Variants in CCDC91 observed in about 807,000 individuals in gnomAD.
CCDC91 encodes the protein coiled-coil domain-containing protein 91.
CCDC91 carries 48 observed loss-of-function variants against 63.2 expected under a neutral mutation model. The observed-to-expected ratio is 0.76, with a 90% CI of 0.60 to 0.97. CCDC91 has a LOEUF of 0.97. Among genes scored for constraint, CCDC91 ranks in the 50% least tolerant of loss-of-function variants. CCDC91 has a pLI of 0.00. For missense variants in CCDC91, 500 were observed against 494.6 expected (o/e 1.01, Z -0.10); for synonymous variants, 167 against 165.8 (o/e 1.01, Z -0.06).
chr12:28,309,117 C>T (rs1189168145), intron 6 of CCDC91, among the ~76,000 whole-genome samples: 2 of 151,944 alleles, frequency 1.3e-5, no homozygotes, highest in Non-Finnish European at 1.5e-5. Flanking sequence ...CATATCTCTG[C>T]CTGGAATGCT....
chr12:28,499,394 A>G (rs143294795), intron 12 of CCDC91, among the ~76,000 whole-genome samples: 1 of 151,808 alleles, frequency 6.6e-6, no homozygotes, highest in Non-Finnish European at 1.5e-5. Flanking sequence ...TCTGGGGTAC[A>G]TGTGCAGAAT....
intron 3 of CCDC91, among the ~76,000 whole-genome samples, chr12:28,277,139 T>C (rs1273085645): frequency 6.6e-6 from 1 of 151,920 alleles, no homozygotes; most frequent in Non-Finnish European, 1.5e-5. Flanking sequence ...TTAACAAATG[T>C]CTGAGAACTG....
chr12:28,235,495 G>C (rs886418188), intron 1 of CCDC91, among the ~76,000 whole-genome samples: 1 of 151,710 alleles, frequency 6.6e-6, no homozygotes, highest in Non-Finnish European at 1.5e-5. Context: ...TAGAATGCTG[G>C]GCACAACTTC....
chr12:28,286,214 T>A (rs1464238555), intron 3 of CCDC91, among the ~76,000 whole-genome samples: 1 of 152,162 alleles, frequency 6.6e-6, no homozygotes, highest in East Asian at 1.9e-4. Context: ...AGCTTCTTTT[T>A]AAAAAACTTT....
chr12:28,292,728 T>C (rs1949326661), intron 3 of CCDC91, among the ~76,000 whole-genome samples: 1 of 152,146 alleles, frequency 6.6e-6, no homozygotes, highest in Non-Finnish European at 1.5e-5. Flanking sequence ...GCCACAAGAA[T>C]GTAGTATATA....
intron 1 of CCDC91, among the ~76,000 whole-genome samples, chr12:28,252,966 A>C (rs1242171593): frequency 6.6e-6 from 1 of 152,160 alleles, no homozygotes; most frequent in African/African-American, 2.4e-5. Flanking sequence ...ATAGATGAGG[A>C]AACTGAGGCA....
chr12:28,390,921 C>T (rs1945893393), intron 7 of CCDC91, among the ~76,000 whole-genome samples: 1 of 148,242 alleles, frequency 6.7e-6, no homozygotes, highest in African/African-American at 2.5e-5. Flanking sequence ...CCTTTTTTTC[C>T]TTTTTTCTTT....
At chr12:28,361,906 G>T (rs1395103417) in intron 6 of CCDC91, among the ~76,000 whole-genome samples, 2 of 151,806 alleles carry the variant, frequency 1.3e-5, no homozygotes, top group East Asian at 3.9e-4. Flanking sequence ...GTTTCTTTTT[G>T]TTTTTTCTGT....
intron 1 of CCDC91, among the ~76,000 whole-genome samples, chr12:28,224,482 G>A (rs1944149455): frequency 6.6e-6 from 1 of 151,972 alleles, no homozygotes; most frequent in African/African-American, 2.4e-5. Flanking sequence ...TTCCATTTCT[G>A]TTTGTGACTT....
At chr12:28,313,686 T>TA (rs1342606022) in intron 6 of CCDC91, among the ~76,000 whole-genome samples, 1 of 152,024 alleles carries the variant, frequency 6.6e-6, no homozygotes, top group African/African-American at 2.4e-5. Flanking sequence ...CAAAAGGAAA[T>TA]AAATACTGTG....
At chr12:28,306,625 G>A (rs1203930830) in intron 4 of CCDC91, 117 bp from the exon 5 acceptor site, 5 of 642,508 alleles carry the variant, frequency 7.8e-6, no homozygotes, top group Admixed American at 3.3e-5. Flanking sequence ...AAATAATTTC[G>A]GAACCTTTTC....
At chr12:28,320,393 T>G (rs1940369265) in intron 6 of CCDC91, among the ~76,000 whole-genome samples, 2 of 151,910 alleles carry the variant, frequency 1.3e-5, no homozygotes, top group South Asian at 4.1e-4. Flanking sequence ...TTCTTTTTTT[T>G]TATGTGCTTA....
chr12:28,499,326 T>G (rs12827706), intron 12 of CCDC91, among the ~76,000 whole-genome samples: 1,889 of 151,044 alleles, frequency 0.013, 17 homozygotes, highest in Non-Finnish European at 0.017. Flanking sequence ...ATGCAAAGAG[T>G]TTTCACTTGG....
chr12:28,320,519 A>T (rs1402952828), intron 6 of CCDC91, among the ~76,000 whole-genome samples: 2 of 151,826 alleles, frequency 1.3e-5, no homozygotes, highest in Admixed American at 1.3e-4. Context: ...ATCTCTAAGG[A>T]TGTATTTACT....
At chr12:28,462,019 G>T (rs1357749643) in intron 11 of CCDC91, among the ~76,000 whole-genome samples, 2 of 151,748 alleles carry the variant, frequency 1.3e-5, no homozygotes, top group East Asian at 3.9e-4. Context: ...TATCAAGAGA[G>T]GGTGCTGCAA....
chr12:28,438,930 C>T (rs768796598), intron 8 of CCDC91, among the ~76,000 whole-genome samples: 12 of 152,104 alleles, frequency 7.9e-5, no homozygotes, highest in African/African-American at 2.9e-4. Context: ...CAGAAATAAT[C>T]CTCTGCTTAA....
chr12:28,242,306 T>C (rs1440016814), intron 1 of CCDC91, among the ~76,000 whole-genome samples: 1 of 152,200 alleles, frequency 6.6e-6, no homozygotes, highest in Non-Finnish European at 1.5e-5. Context: ...TTGTTTATAC[T>C]GGCAGGTGCC....
intron 12 of CCDC91, among the ~76,000 whole-genome samples, chr12:28,491,111 G>T (rs1951978743): frequency 6.6e-6 from 1 of 151,410 alleles, no homozygotes; most frequent in South Asian, 2.1e-4. Context: ...TGGTTTTTGG[G>T]TGGATTCTAA....
chr12:28,209,803 C>T (rs1270894733), intron 1 of CCDC91, among the ~76,000 whole-genome samples: 1 of 148,032 alleles, frequency 6.8e-6, no homozygotes, highest in Non-Finnish European at 1.5e-5. Context: ...ATCCTTTAAC[C>T]CTTTAAACTT....
Sources: allele counts gnomAD v4.1 joint callset (sites outside exome capture counted in the v4.1 genomes callset), GRCh38; gene constraint gnomAD v4.1.1; transcripts MANE v1.5; gene names NCBI Gene and HGNC (gene_info 2026-07-23, HGNC 2026-07-21).